The following ASAP1 variants were observed in gnomAD, a reference collection of about 807,000 sequenced individuals.
The protein encoded by ASAP1 is ArfGAP with SH3 domain, ankyrin repeat and PH domain 1.
Under a neutral mutation model 145.2 loss-of-function variants are expected in ASAP1, and 43 were observed. The observed-to-expected ratio is 0.30, with a 90% CI of 0.23 to 0.38. The LOEUF is 0.38. ASAP1 is among the 10% of genes least tolerant of loss of function. ASAP1 has a pLI of 1.00. For missense variants in ASAP1, 1,018 were observed against 1,355.3 expected, an observed-to-expected ratio of 0.75 and a Z score of 3.91; for synonymous variants, 546 against 515.5, an observed-to-expected ratio of 1.06 and a Z score of -0.80.
chr8:130,287,024 G>A (rs1375101446), intron 3 of ASAP1, among the ~76,000 whole-genome samples: 1 of 152,170 alleles, frequency 6.6e-6, no homozygotes, highest in Admixed American at 6.5e-5. Flanking sequence ...GGCCAAGGAG[G>A]GAGACCTTGA....
intron 7 of ASAP1, among the ~76,000 whole-genome samples, chr8:130,184,155 A>G (rs1170992500): frequency 6.6e-6 from 1 of 152,224 alleles, no homozygotes; most frequent in Non-Finnish European, 1.5e-5. Flanking sequence ...ATTCAATCCT[A>G]TTCTACCATT....
At chr8:130,119,392 G>A (rs1408626189) in intron 18 of ASAP1, among the ~76,000 whole-genome samples, 10 of 152,190 alleles carry the variant, frequency 6.6e-5, no homozygotes. Context: ...GAGACCACAT[G>A]GATAACATGC....
chr8:130,211,803 C>A (rs189743548), intron 5 of ASAP1, among the ~76,000 whole-genome samples: 3 of 152,322 alleles, frequency 2.0e-5, no homozygotes, highest in Admixed American at 6.5e-5. Flanking sequence ...ATACAATTTA[C>A]AAAGTCTATA....
At chr8:130,125,116 C>G (rs1365707883) in intron 17 of ASAP1, among the ~76,000 whole-genome samples, 1 of 152,052 alleles carries the variant, frequency 6.6e-6, no homozygotes, top group Non-Finnish European at 1.5e-5. Context: ...TTTTTTTGAG[C>G]CCAGGTTCAT....
intron 3 of ASAP1, among the ~76,000 whole-genome samples, chr8:130,326,468 G>A (rs1032559703): frequency 1.3e-5 from 2 of 152,172 alleles, no homozygotes. Flanking sequence ...ATAAAATACA[G>A]GTTTCAATAC....
intron 3 of ASAP1, among the ~76,000 whole-genome samples, chr8:130,276,721 C>A (rs910917171): frequency 6.4e-4 from 88 of 138,046 alleles, no homozygotes; most frequent in Non-Finnish European, 1.2e-3. Context: ...CACACACACA[C>A]ACACACACTC....
chr8:130,419,902 G>C (rs1272725389), intron 1 of ASAP1, among the ~76,000 whole-genome samples: 1 of 151,218 alleles, frequency 6.6e-6, no homozygotes, highest in Non-Finnish European at 1.5e-5. Context: ...AGGAGCCTTG[G>C]GGCTTTGCTA....
chr8:130,093,019 A>G (rs1255900251), intron 24 of ASAP1, among the ~76,000 whole-genome samples: 1 of 152,154 alleles, frequency 6.6e-6, no homozygotes, highest in African/African-American at 2.4e-5. Context: ...GAAAAAAGAG[A>G]AATCCAAAAA....
At chr8:130,401,333 C>T (rs1232637619) in intron 2 of ASAP1, among the ~76,000 whole-genome samples, 1 of 152,058 alleles carries the variant, frequency 6.6e-6, no homozygotes, top group Non-Finnish European at 1.5e-5. Context: ...GCAACCTTTG[C>T]CTCCTGGGTT....
rs1828815834 is a variant in ASAP1, at chr8:130,401,956, A to G, written c.-13T>C. 8 of 1,612,696 alleles carry G rather than the reference A, an allele frequency of 5.0e-6. No individual in the cohort carries two copies. The highest frequency in any genetic ancestry group is 5.9e-6 in the Non-Finnish European group (7 of 1,179,604). ...CTGAAGATCTCATGTCTCAGCCGTC[A>G]CATCAGAAAACGACCTGGATAGGGG... On this transcript the variant is annotated 5_prime_UTR_variant, in exon 2 of 30. The change abolishes the stop of an existing upstream ORF in the 5' untranslated region. Transcript: ENST00000518721.
chr8:130,401,977 AG>A lies in ASAP1; in HGVS notation c.-27-8del, dbSNP rs1828817583. On this transcript the variant is annotated splice_region_variant and splice_polypyrimidine_tract_variant and intron_variant, in intron 1 of 29. Transcript: ENST00000518721. Reference sequence around the variant, plus strand: ...CGTCACATCAGAAAACGACCTGGATAGGGGGCAGGACAAAAAGGGGACAAGA... The same window carrying A: ...CGTCACATCAGAAAACGACCTGGATAGGGGCAGGACAAAAAGGGGACAAGA... 1 of 1,597,146 alleles carries A rather than the reference AG, an allele frequency of 6.3e-7. No individual in the cohort carries two copies. Among genetic ancestry groups the A allele is most frequent in the Admixed American group, 1.7e-5 (1 of 59,636 alleles).
At chr8:130,437,500 AC>A (rs1413571078) in intron 1 of ASAP1, among the ~76,000 whole-genome samples, 2 of 152,184 alleles carry the variant, frequency 1.3e-5, no homozygotes, top group Non-Finnish European at 2.9e-5. Context: ...TTTCCCACCC[AC>A]CGACCATTCC....
At chr8:130,121,797 A>AAAG (rs2097566559) in intron 18 of ASAP1, among the ~76,000 whole-genome samples, 1 of 149,712 alleles carries the variant, frequency 6.7e-6, no homozygotes, top group Admixed American at 6.6e-5. Context: ...AAAAAAAAAA[A>AAAG]AAAAAAAAAA....
intron 4 of ASAP1, among the ~76,000 whole-genome samples, chr8:130,217,955 C>T (rs1430915527): frequency 6.6e-6 from 1 of 152,114 alleles, no homozygotes; most frequent in African/African-American, 2.4e-5. Flanking sequence ...GCCTTCTAAT[C>T]ACCACCACAT....
chr8:130,218,355 T>G (rs72722386), intron 4 of ASAP1, among the ~76,000 whole-genome samples: 5,307 of 152,306 alleles, frequency 0.035, 126 homozygotes, highest in Middle Eastern at 0.065. Context: ...GTGAAAAATA[T>G]AATTAGTTAA....
At position 130,307,117 on chromosome 8, in the gene ASAP1, T is replaced by C. The variant is rs556575552; in HGVS notation, c.186+50900A>G. Among the ~76,000 whole-genome samples, 50 of 152,332 alleles carry C rather than the reference T, an allele frequency of 3.3e-4. No individual in the cohort carries two copies. In the Middle Eastern group the frequency reaches 0.017, roughly 52 times the overall value. ...CTATTTGTGTTCTCCATAAAAGTTA[T>C]CAGTACCTGAACTTAATTTTACATT... On this transcript the variant is annotated intron_variant, in intron 3 of 29. Transcript: ENST00000518721.
At chr8:130,387,766 T>C (rs2138450656) in intron 2 of ASAP1, among the ~76,000 whole-genome samples, 1 of 152,264 alleles carries the variant, frequency 6.6e-6, no homozygotes, top group East Asian at 1.9e-4. Context: ...GGCCTAGAAT[T>C]GGTATTTTAT....
rs2097637922 is a variant in ASAP1, at chr8:130,148,371, C to T, written c.1080+4365G>A. Reference sequence around the variant, plus strand: ...TGCAGTCTCATTAGAAAAGTATTCACTGAGCACTAAGTACACGTCAGGCAA... The same window carrying T: ...TGCAGTCTCATTAGAAAAGTATTCATTGAGCACTAAGTACACGTCAGGCAA... On this transcript the variant is annotated intron_variant, in intron 13 of 29. Coordinates refer to ENST00000518721, the MANE Select transcript of ASAP1 (RefSeq NM_018482.4). 2.0e-5 allele frequency among the ~76,000 whole-genome samples: 3 copies of T among 152,332 alleles called. No homozygotes were observed. In the South Asian group the frequency reaches 6.2e-4, roughly 32 times the overall value.
intron 2 of ASAP1, among the ~76,000 whole-genome samples, chr8:130,369,842 C>A (rs1827129083): frequency 6.6e-6 from 1 of 152,198 alleles, no homozygotes; most frequent in Non-Finnish European, 1.5e-5. Flanking sequence ...CAAGTGTTAT[C>A]ATCTGACCCA....
Sources: allele counts gnomAD v4.1 joint callset (sites outside exome capture counted in the v4.1 genomes callset), GRCh38; gene constraint gnomAD v4.1.1; transcripts MANE v1.5; gene names NCBI Gene and HGNC (gene_info 2026-07-23, HGNC 2026-07-21).